Variants in CCDC184 observed in about 807,000 individuals in gnomAD.
CCDC184 encodes coiled-coil domain containing 184, also known as coiled-coil domain-containing protein 184.
CCDC184 carries 11 observed loss-of-function variants against 10.4 expected under a neutral mutation model. That is an observed-to-expected ratio of 1.06 (90% CI 0.67 to 1.75). CCDC184 has a LOEUF of 1.75. Ranked by LOEUF, CCDC184 falls within the 40% of genes most tolerant of loss-of-function variation. The pLI is 0.00. For missense variants in CCDC184, 264 were observed against 267.9 expected (o/e 0.99, Z 0.10); for synonymous variants, 102 against 116.1 (o/e 0.88, Z 0.78).
Position 48,184,985 on chromosome 12 carries a change from C to T in CCDC184, c.*278C>T. 2.4e-6 allele frequency: 1 copy of T among 417,442 alleles called. No homozygotes were observed. The highest frequency in any genetic ancestry group is 4.4e-6 in the Non-Finnish European group (1 of 224,906). 25.9% of individuals were successfully genotyped at this position (417,442 alleles called of 1,614,324 possible). ...CTCTGGACTCCCATCCATCCCTATCCTGTCCTTTCCCCCTTCCCAGACAAC... is the reference window on the plus strand; with the variant it reads ...CTCTGGACTCCCATCCATCCCTATCTTGTCCTTTCCCCCTTCCCAGACAAC... On this transcript the variant is annotated 3_prime_UTR_variant, in exon 1 of 1. Transcript: ENST00000316554.
At position 48,184,718 on chromosome 12, in the gene CCDC184, T is replaced by C. The variant is rs1184568523; in HGVS notation, c.*11T>C. On this transcript the variant is annotated 3_prime_UTR_variant, in exon 1 of 1. Coordinates refer to ENST00000316554, the MANE Select transcript of CCDC184 (RefSeq NM_001013635.4). Reference sequence around the variant, plus strand: ...GAGGCCTCCCTGTGAGGGGACTCCGTGGGGCACTACCTTCCCGGGCTGTCT... The same window carrying C: ...GAGGCCTCCCTGTGAGGGGACTCCGCGGGGCACTACCTTCCCGGGCTGTCT... 1.3e-6 allele frequency: 2 copies of C among 1,583,194 alleles called. No individual in the cohort carries two copies. The highest frequency in any genetic ancestry group is 1.7e-6 in the Non-Finnish European group (2 of 1,161,292).
At position 48,183,819 on chromosome 12, in the gene CCDC184, G is replaced by T. The variant is rs1159360581; in HGVS notation, c.-304G>T. ...GGCGCCCAGAGGGCGGCGCTGACAC[G>T]GGCGCGATCCGGGAGGCGAGGCAGG... On this transcript the variant is annotated 5_prime_UTR_variant, in exon 1 of 1. Transcript: ENST00000316554. The T allele has an allele frequency of 1.9e-5, 7 of 370,338 alleles. No homozygotes were observed. In the East Asian group the frequency reaches 3.0e-4, roughly 16 times the overall value. 22.9% of individuals were successfully genotyped at this position (370,338 alleles called of 1,614,324 possible).
chr12:48,183,950 G>A lies in CCDC184; in HGVS notation c.-173G>A, dbSNP rs1015832347. The A allele has an allele frequency of 1.7e-6, 1 of 589,776 alleles. No individual in the cohort carries two copies. The allele number at this position is 589,776 out of a possible 1,614,324, so 36.5% of individuals were successfully genotyped here. ...CTCGGCCTCCCGCGATCCTGCCTGC[G>A]CCCTCTGCCCAGGACTCGTCTCTCA... On this transcript the variant is annotated 5_prime_UTR_variant, in exon 1 of 1. Coordinates refer to ENST00000316554, the MANE Select transcript of CCDC184 (RefSeq NM_001013635.4).
Position 48,184,240 on chromosome 12 carries a change from A to G in CCDC184, c.118A>G (p.Met40Val), listed in dbSNP as rs1354700475. Residue 40 changes from methionine to valine, a missense_variant, in exon 1 of 1, where the codon ATG becomes GTG. Physicochemically the swap from Met to Val is conservative, Grantham distance 21. Transcript: ENST00000316554. ...DVISGEYNGGMKELMEHLKAQ... is the reference protein window; with the variant it reads ...DVISGEYNGGVKELMEHLKAQ... ...GATCTCCGGGGAGTACAACGGCGGC[A>G]TGAAGGAACTGATGGAGCACCTGAA... 6.2e-7 allele frequency: 1 copy of G among 1,613,952 alleles called. No individual in the cohort carries two copies. The highest frequency in any genetic ancestry group is 8.5e-7 in the Non-Finnish European group (1 of 1,180,016).
rs754780330 is a variant in CCDC184 at position 48,184,356 on chromosome 12, C to G, written c.234C>G (p.Asp78Glu). The G allele has an allele frequency of 6.2e-7, 1 of 1,613,948 alleles. No individual in the cohort carries two copies. Among genetic ancestry groups the G allele is most frequent in the Non-Finnish European group, 8.5e-7 (1 of 1,180,010 alleles). ...QASHIQVLSD[D>E]VCANQRAIVS... ...CGCACATCCAGGTGCTCTCGGACGA[C>G]GTGTGCGCCAACCAGCGAGCCATCG... Residue 78 changes from aspartate to glutamate, a missense_variant, in exon 1 of 1, where the codon GAC becomes GAG. Coordinates refer to ENST00000316554, the MANE Select transcript of CCDC184 (RefSeq NM_001013635.4).
chr12:48,184,419 G>T lies in CCDC184; in HGVS notation c.297G>T (p.Gln99His). ...MCQIMTTAPRQGGLGVVGGKG... is the reference protein window; with the variant it reads ...MCQIMTTAPRHGGLGVVGGKG... ...AGATTATGACCACTGCGCCCCGCCAGGGCGGCTTGGGCGTGGTCGGCGGCA... is the reference window on the plus strand; with the variant it reads ...AGATTATGACCACTGCGCCCCGCCATGGCGGCTTGGGCGTGGTCGGCGGCA... Residue 99 changes from glutamine (Q) to histidine (H), a missense_variant, in exon 1 of 1, where the codon CAG (glutamine) becomes CAT (histidine). Physicochemically the swap from Gln to His is conservative, Grantham distance 24. Coordinates refer to ENST00000316554, the MANE Select transcript of CCDC184 (RefSeq NM_001013635.4). The T allele has an allele frequency of 6.2e-7, 1 of 1,611,206 alleles. No individual in the cohort carries two copies.
In CCDC184 at chr12:48,183,783, T is replaced by C. The variant is rs1951482163; in HGVS notation, c.-340T>C. 2 of 284,240 alleles carry C rather than the reference T, an allele frequency of 7.0e-6. No homozygotes were observed. The highest frequency in any genetic ancestry group is 1.3e-5 in the Non-Finnish European group (2 of 152,188). 17.6% of individuals were successfully genotyped at this position (284,240 alleles called of 1,614,324 possible). On this transcript the variant is annotated 5_prime_UTR_variant, in exon 1 of 1. Coordinates refer to ENST00000316554, the MANE Select transcript of CCDC184 (RefSeq NM_001013635.4). ...TGTGACCCACGGAACCGGCAGGCGCTCTCTGCTTGTGGCGCCCAGAGGGCG... is the reference window on the plus strand; with the variant it reads ...TGTGACCCACGGAACCGGCAGGCGCCCTCTGCTTGTGGCGCCCAGAGGGCG...
Position 48,184,053 on chromosome 12 carries a change from A to ACCCCC in CCDC184, c.-69_-65dup. On this transcript the variant is annotated 5_prime_UTR_variant, in exon 1 of 1. Transcript: ENST00000316554. ...CCCCTCCCGGGACCTCTCCCCCTCC[A>ACCCCC]CCCCCTCCCCCACCCCGGAGGCCGG... 8.8e-6 allele frequency: 3 copies of ACCCCC among 340,970 alleles called. No individual in the cohort carries two copies. Among genetic ancestry groups the ACCCCC allele is most frequent in the Non-Finnish European group, 9.9e-6 (2 of 202,066 alleles). 21.1% of individuals were successfully genotyped at this position (340,970 alleles called of 1,614,324 possible).
chr12:48,184,014 T>G lies in CCDC184; in HGVS notation c.-109T>G. 2 of 498,632 alleles carry G rather than the reference T, an allele frequency of 4.0e-6. No individual in the cohort carries two copies. The highest frequency in any genetic ancestry group is 6.8e-6 in the Non-Finnish European group (2 of 293,476). 30.9% of individuals were successfully genotyped at this position (498,632 alleles called of 1,614,324 possible). ...CCAGTCTCGGGAGCCTCCGCTTCCC[T>G]CGGCTCCCGCTAGCCCCTCCCGGGA... is the stretch of plus-strand genomic sequence containing the variant. On this transcript the variant is annotated 5_prime_UTR_variant, in exon 1 of 1. Transcript: ENST00000316554.
chr12:48,183,901 C>G lies in CCDC184; in HGVS notation c.-222C>G. The stretch of plus-strand genomic sequence containing the variant: ...GAGACGCCGGCTCTGGGACCCTCGC[C>G]GGGTCCTCGTCCCGCAGCCTCTTCT... On this transcript the variant is annotated 5_prime_UTR_variant, in exon 1 of 1. Coordinates refer to ENST00000316554, the MANE Select transcript of CCDC184 (RefSeq NM_001013635.4). 1 of 547,382 alleles carries G rather than the reference C, an allele frequency of 1.8e-6. No homozygotes were observed. The highest frequency in any genetic ancestry group is 3.2e-6 in the Non-Finnish European group (1 of 308,204). 33.9% of individuals were successfully genotyped at this position (547,382 alleles called of 1,614,324 possible).
Position 48,184,206 on chromosome 12 carries a change from G to C in CCDC184, c.84G>C (p.Val28=), listed in dbSNP as rs1290180059. Residue 28 remains valine (V), a synonymous_variant, in exon 1 of 1, where the codon GTG becomes GTC. Coordinates refer to ENST00000316554, the MANE Select transcript of CCDC184 (RefSeq NM_001013635.4). ...APLEVSTVPA[V]GDVISGEYNG... is the part of the protein sequence containing the mutation. ...TGGAGGTGTCCACCGTGCCGGCAGT[G>C]GGGGACGTGATCTCCGGGGAGTACA... is the stretch of plus-strand genomic sequence containing the variant. The C allele has an allele frequency of 1.2e-6, 2 of 1,613,948 alleles. No homozygotes were observed. The highest frequency in any genetic ancestry group is 1.7e-6 in the Non-Finnish European group (2 of 1,180,030).
Position 48,184,901 on chromosome 12 carries a change from A to C in CCDC184, c.*194A>C. On this transcript the variant is annotated 3_prime_UTR_variant, in exon 1 of 1. Coordinates refer to ENST00000316554, the MANE Select transcript of CCDC184 (RefSeq NM_001013635.4). Reference sequence around the variant, plus strand: ...GGAGCATCGAGAATTCTTTCTGCCCAACTAAGCGAATTATAGCGAACTGCG... The same window carrying C: ...GGAGCATCGAGAATTCTTTCTGCCCCACTAAGCGAATTATAGCGAACTGCG... 1 of 570,650 alleles carries C rather than the reference A, an allele frequency of 1.8e-6. No individual in the cohort carries two copies. Among genetic ancestry groups the C allele is most frequent in the Non-Finnish European group, 3.2e-6 (1 of 315,896 alleles). The allele number at this position is 570,650 out of a possible 1,614,324, so 35.3% of individuals were successfully genotyped here.
In CCDC184 at chr12:48,184,176, GCC is replaced by G; in HGVS notation, c.57_58del (p.Leu20GlyfsTer36). On this transcript the variant is annotated frameshift_variant, in exon 1 of 1. Coordinates refer to ENST00000316554, the MANE Select transcript of CCDC184 (RefSeq NM_001013635.4). LOFTEE classifies it high-confidence loss of function. ...CCAAGGACGGCGGCGACATGCCGGC[GCC>G]CCTGGAGGTGTCCACCGTGCCGGCA... is the stretch of plus-strand genomic sequence containing the variant. ...MTKDGGDMPA[P>X]LEVSTVPAVG... is the part of the protein sequence containing the mutation. 6.2e-7 allele frequency: 1 copy of G among 1,613,980 alleles called. No homozygotes were observed.
At position 48,184,293 on chromosome 12, in the gene CCDC184, C is replaced by G; in HGVS notation, c.171C>G (p.Asp57Glu). ...LKAQLQALFE[D>E]VRAMRGALDE... ...CCCAGCTGCAAGCCCTGTTTGAGGA[C>G]GTGAGGGCCATGAGGGGGGCCCTGG... is the stretch of plus-strand genomic sequence containing the variant. Residue 57 changes from aspartate to glutamate, a missense_variant, in exon 1 of 1, where the codon GAC becomes GAG. Transcript: ENST00000316554. 6.2e-7 allele frequency: 1 copy of G among 1,614,158 alleles called. No individual in the cohort carries two copies. The highest frequency in any genetic ancestry group is 1.1e-5 in the South Asian group (1 of 91,082).
chr12:48,184,780 C>A lies in CCDC184; in HGVS notation c.*73C>A. 2.6e-6 allele frequency: 3 copies of A among 1,156,350 alleles called. No individual in the cohort carries two copies. The highest frequency in any genetic ancestry group is 3.7e-6 in the Non-Finnish European group (3 of 814,860). The allele number at this position is 1,156,350 out of a possible 1,614,324, so 71.6% of individuals were successfully genotyped here. A position where few individuals can be genotyped will look rare whatever the true frequency, so the allele number is the denominator to read the frequency against. On this transcript the variant is annotated 3_prime_UTR_variant, in exon 1 of 1. Transcript: ENST00000316554. ...AGTGCATGACGCGAGGGGGACTGAA[C>A]GGCGCGGTGCGGCATGCTTCACTTG...
Position 48,185,464 on chromosome 12 carries a change from G to A in CCDC184, c.*757G>A, listed in dbSNP as rs554602163. The A allele has an allele frequency of 6.0e-6, 1 of 167,096 alleles. No individual in the cohort carries two copies. Among genetic ancestry groups the A allele is most frequent in the Non-Finnish European group, 1.5e-5 (1 of 68,154 alleles). 10.4% of individuals were successfully genotyped at this position (167,096 alleles called of 1,614,324 possible). ...AGCCCGGTTCACAGGCAGAGACTCGGGGGTGCTCAGCAGCAGCCCAGATTT... is the reference window on the plus strand; with the variant it reads ...AGCCCGGTTCACAGGCAGAGACTCGAGGGTGCTCAGCAGCAGCCCAGATTT... On this transcript the variant is annotated 3_prime_UTR_variant, in exon 1 of 1. Coordinates refer to ENST00000316554, the MANE Select transcript of CCDC184 (RefSeq NM_001013635.4).
In CCDC184 at chr12:48,183,792, G is replaced by T; in HGVS notation, c.-331G>T. 1 of 307,396 alleles carries T rather than the reference G, an allele frequency of 3.3e-6. No homozygotes were observed. Among genetic ancestry groups the T allele is most frequent in the Non-Finnish European group, 6.0e-6 (1 of 166,306 alleles). The allele number at this position is 307,396 out of a possible 1,614,324, so 19.0% of individuals were successfully genotyped here. A position where few individuals can be genotyped will look rare whatever the true frequency, so the allele number is the denominator to read the frequency against. On this transcript the variant is annotated 5_prime_UTR_variant, in exon 1 of 1. Coordinates refer to ENST00000316554, the MANE Select transcript of CCDC184 (RefSeq NM_001013635.4). ...CGGAACCGGCAGGCGCTCTCTGCTT[G>T]TGGCGCCCAGAGGGCGGCGCTGACA... is the stretch of plus-strand genomic sequence containing the variant.
chr12:48,184,631 G>C lies in CCDC184; in HGVS notation c.509G>C (p.Gly170Ala), dbSNP rs1240886416. The change falls in exon 1 of 1, where the codon GGG becomes GCG. Residue 170 changes from glycine to alanine, a missense_variant. Gly to Ala is a moderately conservative substitution (Grantham distance 60, BLOSUM62 0). Transcript: ENST00000316554. ...AGCCCCTGTGCTGGTCTCCTTGGGG[G>C]GGACGGGCCACTTGTGGAGCCCCTC... ...PESPCAGLLG[G>A]DGPLVEPLDM... 4 of 1,581,670 alleles carry C rather than the reference G, an allele frequency of 2.5e-6. No individual in the cohort carries two copies. The highest frequency in any genetic ancestry group is 3.4e-6 in the Non-Finnish European group (4 of 1,164,340).
rs766696779 is a variant in CCDC184, at chr12:48,184,116, C to A, written c.-7C>A. On this transcript the variant is annotated 5_prime_UTR_variant, in exon 1 of 1. Transcript: ENST00000316554. Reference sequence around the variant, plus strand: ...CCAGAGCCTCCGCCACCCGCTTCTGCCACTCAATGGAGGACGGTCTGCTGG... The same window carrying A: ...CCAGAGCCTCCGCCACCCGCTTCTGACACTCAATGGAGGACGGTCTGCTGG... 1 of 1,593,888 alleles carries A rather than the reference C, an allele frequency of 6.3e-7. No homozygotes were observed. The highest frequency in any genetic ancestry group is 1.7e-5 in the Admixed American group (1 of 59,356).
Sources: gnomAD v4.1 joint callset for allele counts on GRCh38, gnomAD v4.1.1 for gene constraint, MANE v1.5 for transcripts, NCBI Gene and HGNC (gene_info 2026-07-23, HGNC 2026-07-21) for gene names.